FAM162A: variants seen among roughly 807,000 people sequenced by gnomAD.
FAM162A encodes the protein protein FAM162A.
In FAM162A, 23 loss-of-function variants were observed where a neutral mutation model predicts 21.8. The observed-to-expected ratio is 1.05, with a 90% CI of 0.76 to 1.49. The LOEUF is 1.49. Ranked by LOEUF, FAM162A falls within the 40% of genes most tolerant of loss-of-function variation. FAM162A has a pLI of 0.00. For missense variants in FAM162A, 165 were observed against 186.4 expected (o/e 0.89, Z 0.67); for synonymous variants, 53 against 61.3 (o/e 0.86, Z 0.64).
chr3:122,387,076 G>T (rs2075577760), intron 1 of FAM162A, among the ~76,000 whole-genome samples: 1 of 152,220 alleles, frequency 6.6e-6, no homozygotes, highest in Non-Finnish European at 1.5e-5. Flanking sequence ...TTGGTGTTCA[G>T]TTCATAGTAG....
At chr3:122,394,065 G>A (rs778649170) in intron 1 of FAM162A, among the ~76,000 whole-genome samples, 2 of 152,292 alleles carry the variant, frequency 1.3e-5, no homozygotes, top group Admixed American at 6.5e-5. Context: ...GGTGGAAGGC[G>A]AAGGGGGAGC....
intron 1 of FAM162A, among the ~76,000 whole-genome samples, chr3:122,394,864 G>A (rs2075620360): frequency 6.6e-6 from 1 of 152,024 alleles, no homozygotes; most frequent in Admixed American, 6.5e-5. Context: ...TATCCCTTAG[G>A]AATATTGATG....
At chr3:122,387,914 A>G (rs1233030495) in intron 1 of FAM162A, among the ~76,000 whole-genome samples, 1 of 152,136 alleles carries the variant, frequency 6.6e-6, no homozygotes, top group Non-Finnish European at 1.5e-5. Flanking sequence ...TTGTGAGCAC[A>G]TGTAGGGGCG....
intron 1 of FAM162A, among the ~76,000 whole-genome samples, chr3:122,389,381 G>GGATAGGTA (rs1553776512): frequency 1.4e-4 from 20 of 145,232 alleles, no homozygotes; most frequent in Admixed American, 1.1e-3. Flanking sequence ...TAGTATAGAT[G>GGATAGGTA]GATAGATAGA....
At chr3:122,388,607 G>C (rs2075585111) in intron 1 of FAM162A, among the ~76,000 whole-genome samples, 2 of 152,158 alleles carry the variant, frequency 1.3e-5, no homozygotes, top group Non-Finnish European at 2.9e-5. Context: ...AAAGAAGATT[G>C]GTCATAGAGG....
intron 3 of FAM162A, 85 bp downstream of exon 3, chr3:122,404,448 A>G: frequency 1.6e-6 from 1 of 627,158 alleles, no homozygotes; most frequent in Non-Finnish European, 2.7e-6. Context: ...CCAACTGTTT[A>G]AAACTTTTCA....
At chr3:122,386,908 A>G (rs1343209782) in intron 1 of FAM162A, among the ~76,000 whole-genome samples, 3 of 152,086 alleles carry the variant, frequency 2.0e-5, no homozygotes, top group African/African-American at 7.2e-5. Flanking sequence ...GAGAGGGTCC[A>G]TATTTTATAT....
intron 1 of FAM162A, among the ~76,000 whole-genome samples, chr3:122,390,994 G>A (rs1019217931): frequency 5.9e-5 from 9 of 152,100 alleles, no homozygotes; most frequent in South Asian, 2.1e-4. Context: ...GTTTTTAATC[G>A]TGATCCACCA....
rs971393469 is a variant in FAM162A, at chr3:122,411,966, G to A, written c.*2135G>A. ...TTATTCTCCTATTTGATAACATATA[G>A]TGACTATCTCTTTATGGGTTAAATA... On this transcript the variant is annotated 3_prime_UTR_variant, in exon 5 of 5. Transcript: ENST00000477892. 1.6e-4 allele frequency: 24 copies of A among 152,264 alleles called. No homozygotes were observed. Among genetic ancestry groups the A allele is most frequent in the African/African-American group, 5.8e-4 (24 of 41,548 alleles). 9.4% of individuals were successfully genotyped at this position (152,264 alleles called of 1,614,324 possible). A position where few individuals can be genotyped will look rare whatever the true frequency, so the allele number is the denominator to read the frequency against.
chr3:122,386,266 A>C (rs1303865265), intron 1 of FAM162A, among the ~76,000 whole-genome samples: 1 of 152,222 alleles, frequency 6.6e-6, no homozygotes, highest in Non-Finnish European at 1.5e-5. Flanking sequence ...ATAGAAATGT[A>C]GGCTCAATGT....
At position 122,402,822 on chromosome 3, in the gene FAM162A, G is replaced by T; in HGVS notation, c.97G>T (p.Asp33Tyr). The T allele has an allele frequency of 6.2e-7, 1 of 1,604,514 alleles. No individual in the cohort carries two copies. The highest frequency in any genetic ancestry group is 8.5e-7 in the Non-Finnish European group (1 of 1,175,754). The change falls in exon 2 of 5, where the codon GAT (aspartate) becomes TAT (tyrosine). Residue 33 changes from aspartate (D) to tyrosine (Y), a missense_variant. Coordinates refer to ENST00000477892, the MANE Select transcript of FAM162A (RefSeq NM_014367.4). ...ATCTCTAAGGCTTACCAGAAGCTCT[G>T]ATTTGAAGAGAATAAATGGATTTTG... ...SSSLRLTRSS[D>Y]LKRINGFCTK...
At chr3:122,399,263 G>A (rs762650026) in intron 1 of FAM162A, among the ~76,000 whole-genome samples, 7 of 152,098 alleles carry the variant, frequency 4.6e-5, no homozygotes, top group Non-Finnish European at 8.8e-5. Flanking sequence ...CAGAGGACAT[G>A]CTCTCATTCT....
intron 4 of FAM162A, among the ~76,000 whole-genome samples, chr3:122,408,692 T>C (rs2075688109): frequency 6.6e-6 from 1 of 152,220 alleles, no homozygotes; most frequent in South Asian, 2.1e-4. Flanking sequence ...AGCAGAAACA[T>C]GTGGACAGGA....
intron 1 of FAM162A, among the ~76,000 whole-genome samples, chr3:122,393,515 C>G (rs1412128005): frequency 6.6e-6 from 1 of 152,162 alleles, no homozygotes; most frequent in African/African-American, 2.4e-5. Context: ...CTGAAGAAGG[C>G]AGAATGGGTT....
At chr3:122,404,442 C>A in intron 3 of FAM162A, 79 bp downstream of exon 3, 1 of 665,802 alleles carries the variant, frequency 1.5e-6, no homozygotes, top group Admixed American at 3.2e-5. Flanking sequence ...TGAGTTCCAA[C>A]TGTTTAAAAC....
At chr3:122,404,393 C>CT in intron 3 of FAM162A, 30 bp downstream of exon 3, 1 of 1,227,910 alleles carries the variant, frequency 8.1e-7, no homozygotes, top group South Asian at 1.3e-5. Context: ...TTACAAGCAG[C>CT]TTTCATTTCT....
intron 1 of FAM162A, among the ~76,000 whole-genome samples, chr3:122,387,363 G>A (rs963002938): frequency 6.6e-6 from 1 of 152,176 alleles, no homozygotes; most frequent in Admixed American, 6.5e-5. Context: ...CCAATGTAAT[G>A]GACTATGGGC....
In FAM162A at chr3:122,402,904, T is replaced by A. The variant is rs1304834625; in HGVS notation, c.157+22T>A. The A allele has an allele frequency of 2.5e-6, 4 of 1,580,960 alleles. No homozygotes were observed. In the East Asian group the frequency reaches 9.0e-5, roughly 35 times the overall value. On this transcript the variant is annotated intron_variant, in intron 2 of 4. Transcript: ENST00000477892. ...TCCCGTAAGTTTTTATTTTTTCTAT[T>A]TATGGAGTTGGTAGCTCCCAAAGAG...
chr3:122,407,824 C>A, intron 4 of FAM162A: 1 of 193,888 alleles, frequency 5.2e-6, no homozygotes, highest in Non-Finnish European at 1.1e-5. Flanking sequence ...CCAGACAGGG[C>A]CATGTGTCTA....
Sources: gnomAD v4.1 joint callset for allele counts (sites outside exome capture counted in the v4.1 genomes callset) on GRCh38, gnomAD v4.1.1 for gene constraint, MANE v1.5 for transcripts, NCBI Gene and HGNC (gene_info 2026-07-23, HGNC 2026-07-21) for gene names.